Variants in LTBP1 observed in about 807,000 individuals in gnomAD.
LTBP1 encodes the protein latent-transforming growth factor beta-binding protein 1.
Under a neutral mutation model 207.6 loss-of-function variants are expected in LTBP1, and 129 were observed. The observed-to-expected ratio is 0.62, with a 90% CI of 0.54 to 0.72. LTBP1 has a LOEUF of 0.72. Ranked by LOEUF, LTBP1 falls within the 30% of genes least tolerant of loss-of-function variation. The pLI is 0.00. For synonymous variants in LTBP1, 963 were observed against 833.7 expected, an observed-to-expected ratio of 1.16 and a Z score of -2.67; for missense variants, 2,281 against 2,217.2, an observed-to-expected ratio of 1.03 and a Z score of -0.58.
intron 3 of LTBP1, among the ~76,000 whole-genome samples, chr2:33,071,508 C>A (rs911895136): frequency 1.2e-4 from 19 of 152,124 alleles, no homozygotes; most frequent in Non-Finnish European, 2.1e-4. Flanking sequence ...CTGCCTTGCA[C>A]AGCATCTAGG....
At chr2:33,316,179 G>GGTGACCTATTATAGCTTGCTAA in intron 24 of LTBP1, among the ~76,000 whole-genome samples, 1 of 23,466 alleles carries the variant, frequency 4.3e-5, no homozygotes, top group Admixed American at 5.9e-4. Context: ...TTGTGTTCTT[G>GGTGACCTATTATAGCTTGCTAA]ATGATAATTT....
At chr2:33,364,122 C>A in intron 29 of LTBP1, 94 bp from the exon 30 acceptor site, 1 of 1,240,010 alleles carries the variant, frequency 8.1e-7, no homozygotes, top group Non-Finnish European at 1.1e-6. Flanking sequence ...CACCTGGAAT[C>A]TGGACTAAAT....
chr2:32,999,875 A>T lies in LTBP1; in HGVS notation c.566-21034A>T, dbSNP rs1207164392. Among the ~76,000 whole-genome samples the T allele has an allele frequency of 2.3e-5, 3 of 133,250 alleles. 1 individual carries two copies. Among genetic ancestry groups the T allele is most frequent in the Non-Finnish European group, 4.9e-5 (3 of 60,818 alleles). The allele number at this position is 133,250 out of a possible 152,430, so 87.4% of individuals were successfully genotyped here. A position where few individuals can be genotyped will look rare whatever the true frequency, so the allele number is the denominator to read the frequency against. Reference sequence around the variant, plus strand: ...TTTCAGGGTTGTGTGTGTGTGAGAGATCGAGGGAGGCACAGACAACAGCGT... The same window carrying T: ...TTTCAGGGTTGTGTGTGTGTGAGAGTTCGAGGGAGGCACAGACAACAGCGT... On this transcript the variant is annotated intron_variant, in intron 2 of 33. Coordinates refer to ENST00000404816, the MANE Select transcript of LTBP1 (RefSeq NM_206943.4).
At chr2:33,309,018 C>T (rs1377732824) in intron 22 of LTBP1, among the ~76,000 whole-genome samples, 2 of 152,090 alleles carry the variant, frequency 1.3e-5, no homozygotes, top group African/African-American at 2.4e-5. Flanking sequence ...TGTGGTGGCT[C>T]ATGTCTGTAA....
At chr2:33,185,094 AGAG>A (rs1381997401) in intron 5 of LTBP1, among the ~76,000 whole-genome samples, 1 of 152,230 alleles carries the variant, frequency 6.6e-6, no homozygotes, top group African/African-American at 2.4e-5. Context: ...TGTTCCAGGC[AGAG>A]GACTCAGTGT....
At chr2:33,184,873 C>G (rs1385489208) in intron 5 of LTBP1, among the ~76,000 whole-genome samples, 2 of 150,790 alleles carry the variant, frequency 1.3e-5, no homozygotes, top group Admixed American at 6.6e-5. Flanking sequence ...TCACAGAGCT[C>G]TGGTTGAGTG....
intron 31 of LTBP1, among the ~76,000 whole-genome samples, chr2:33,367,879 C>G (rs2095013339): frequency 1.3e-5 from 2 of 152,132 alleles, no homozygotes; most frequent in Non-Finnish European, 2.9e-5. Context: ...CTAAATAAAT[C>G]ATGTACATCT....
Position 33,309,427 on chromosome 2 carries a change from T to C in LTBP1, c.3482-7T>C, listed in dbSNP as rs1350926893. 6.3e-7 allele frequency: 1 copy of C among 1,583,242 alleles called. No individual in the cohort carries two copies. On this transcript the variant is annotated splice_polypyrimidine_tract_variant and splice_region_variant and intron_variant, in intron 22 of 33. Coordinates refer to ENST00000404816, the MANE Select transcript of LTBP1 (RefSeq NM_206943.4). Reference sequence around the variant, plus strand: ...TAGTCTTTAAAAATTTTTAAATTGGTTTTTAGATATCAATGAATGCTTGGA... The same window carrying C: ...TAGTCTTTAAAAATTTTTAAATTGGCTTTTAGATATCAATGAATGCTTGGA...
At chr2:33,109,837 G>T (rs552909314) in intron 3 of LTBP1, among the ~76,000 whole-genome samples, 2 of 152,110 alleles carry the variant, frequency 1.3e-5, no homozygotes, top group African/African-American at 4.8e-5. Flanking sequence ...GCTCAGTGTC[G>T]CAGAGATTCT....
intron 5 of LTBP1, among the ~76,000 whole-genome samples, chr2:33,173,851 A>C (rs2085732652): frequency 1.4e-5 from 2 of 146,454 alleles, no homozygotes; most frequent in African/African-American, 5.0e-5. Flanking sequence ...CTGGTTCAAT[A>C]TACACAAATC....
intron 18 of LTBP1, among the ~76,000 whole-genome samples, chr2:33,279,356 C>G (rs2093511094): frequency 6.6e-6 from 1 of 151,988 alleles, no homozygotes; most frequent in Non-Finnish European, 1.5e-5. Flanking sequence ...AGATTTTTTT[C>G]TCCCCAAATT....
chr2:32,974,823 C>T (rs1681457277), intron 2 of LTBP1, among the ~76,000 whole-genome samples: 1 of 152,162 alleles, frequency 6.6e-6, no homozygotes, highest in South Asian at 2.1e-4. Flanking sequence ...GTTCTTACTT[C>T]TTTATCCGAC....
chr2:33,293,341 A>G, intron 20 of LTBP1, 59 bp downstream of exon 20: 2 of 1,518,292 alleles, frequency 1.3e-6, no homozygotes, highest in Non-Finnish European at 1.8e-6. Flanking sequence ...TATAGATTAG[A>G]GCAATTAGCC....
At chr2:32,955,764 C>T (rs1383203805) in intron 2 of LTBP1, among the ~76,000 whole-genome samples, 1 of 152,040 alleles carries the variant, frequency 6.6e-6, no homozygotes, top group African/African-American at 2.4e-5. Flanking sequence ...ATGGTCTTAT[C>T]TTTCTGTAAA....
chr2:33,218,284 T>G (rs185270656), intron 8 of LTBP1, among the ~76,000 whole-genome samples: 28 of 152,348 alleles, frequency 1.8e-4, no homozygotes, highest in Non-Finnish European at 2.9e-4. Flanking sequence ...GTTCAGAACA[T>G]GTTGATTTGA....
chr2:33,191,143 G>A (rs11124309), intron 7 of LTBP1, among the ~76,000 whole-genome samples: 61,810 of 151,878 alleles, frequency 0.41, 12,794 homozygotes, highest in East Asian at 0.57. Flanking sequence ...CTTTCTCCCC[G>A]TTTCCAAGTT....
At chr2:33,046,687 G>T (rs185737673) in intron 3 of LTBP1, among the ~76,000 whole-genome samples, 1 of 152,260 alleles carries the variant, frequency 6.6e-6, no homozygotes, top group African/African-American at 2.4e-5. Context: ...AGAAGGAATG[G>T]TACCAGCTCC....
At chr2:33,072,946 G>A (rs1388447066) in intron 3 of LTBP1, among the ~76,000 whole-genome samples, 1 of 152,248 alleles carries the variant, frequency 6.6e-6, no homozygotes, top group African/African-American at 2.4e-5. Context: ...TGTCCCGAGA[G>A]TAGAAGTCTG....
intron 32 of LTBP1, among the ~76,000 whole-genome samples, chr2:33,390,991 A>G (rs1558348755): frequency 6.9e-6 from 1 of 143,894 alleles, no homozygotes; most frequent in Admixed American, 6.9e-5. Flanking sequence ...AAGAGCTTTT[A>G]TTTTTTTTTT....
Sources: gnomAD v4.1 joint callset for allele counts (sites outside exome capture counted in the v4.1 genomes callset) on GRCh38, gnomAD v4.1.1 for gene constraint, MANE v1.5 for transcripts, NCBI Gene and HGNC (gene_info 2026-07-23, HGNC 2026-07-21) for gene names.